Variants in ARHGAP22 observed in about 807,000 individuals in gnomAD.
The protein encoded by ARHGAP22 is rho GTPase-activating protein 22.
ARHGAP22 carries 48 observed loss-of-function variants against 59.1 expected under a neutral mutation model. The observed-to-expected ratio is 0.81, with a 90% confidence interval of 0.64 to 1.03. The LOEUF (loss-of-function observed/expected upper bound fraction) is 1.03, where lower values mean the gene tolerates loss of function less well. Among genes scored for constraint, ARHGAP22 ranks in the 50% least tolerant of loss-of-function variants. ARHGAP22 has a pLI of 0.00. For synonymous variants in ARHGAP22, 445 were observed against 416.4 expected, an observed-to-expected ratio of 1.07 and a Z score of -0.84; for missense variants, 1,015 against 958.7, an observed-to-expected ratio of 1.06 and a Z score of -0.78.
At chr10:48,478,381 TG>T (rs1249619290) in intron 4 of ARHGAP22, among the ~76,000 whole-genome samples, 12 of 152,320 alleles carry the variant, frequency 7.9e-5, no homozygotes, top group African/African-American at 2.9e-4. Flanking sequence ...TATCATTCAA[TG>T]AAAGGTGGTC....
intron 2 of ARHGAP22, among the ~76,000 whole-genome samples, chr10:48,571,768 T>C (rs1172820230): frequency 1.3e-5 from 2 of 152,214 alleles, no homozygotes; most frequent in Non-Finnish European, 2.9e-5. Flanking sequence ...ACAGTTGCAT[T>C]TGGCAGCTGA....
At chr10:48,515,197 A>T (rs1182174086) in intron 3 of ARHGAP22, among the ~76,000 whole-genome samples, 1 of 152,204 alleles carries the variant, frequency 6.6e-6, no homozygotes, top group African/African-American at 2.4e-5. Context: ...TGAGAGACAC[A>T]TTACATTAAA....
the ARHGAP22 span, among the ~76,000 whole-genome samples, chr10:48,432,121 A>G: frequency 3.3e-5 from 5 of 152,198 alleles, no homozygotes; most frequent in African/African-American, 1.2e-4. Context: ...AGGTTAGGAC[A>G]GTTGTATGAA....
rs571010835 is a variant in ARHGAP22 at position 48,577,235 on chromosome 10, T to G, written c.234+5718A>C. 7.2e-5 allele frequency among the ~76,000 whole-genome samples: 11 copies of G among 152,320 alleles called. No individual in the cohort carries two copies. In the South Asian group the frequency reaches 2.1e-3, roughly 29 times the overall value. On this transcript the variant is annotated intron_variant, in intron 2 of 9. Transcript: ENST00000249601. ...CCTCTGACTCTTCCGTATTTAGAGA[T>G]TCTCTCTGAGGATATTACAGTAGTT...
intron 3 of ARHGAP22, among the ~76,000 whole-genome samples, chr10:48,525,737 C>T (rs1200301338): frequency 6.6e-6 from 1 of 152,174 alleles, no homozygotes; most frequent in Non-Finnish European, 1.5e-5. Context: ...ATAGTGTTCA[C>T]TCTGTACCAT....
chr10:48,643,424 T>TA (rs1253705564), intron 1 of ARHGAP22, among the ~76,000 whole-genome samples: 1 of 152,030 alleles, frequency 6.6e-6, no homozygotes, highest in East Asian at 1.9e-4. Context: ...TATGCAGCCA[T>TA]AAAAAAGGAT....
At chr10:48,477,206 T>G (rs1187701694) in intron 4 of ARHGAP22, among the ~76,000 whole-genome samples, 2 of 152,246 alleles carry the variant, frequency 1.3e-5, no homozygotes, top group East Asian at 1.9e-4. Flanking sequence ...TTCTGTTGCC[T>G]ATCTATCTAT....
upstream of ARHGAP22, chr10:48,605,267 C>T: frequency 1.5e-6 from 1 of 647,264 alleles, no homozygotes; most frequent in South Asian, 6.8e-5. Context: ...TCAGCCGCCG[C>T]CTGGGAGCCG....
chr10:48,451,197 C>T, intron 8 of ARHGAP22, 57 bp from the exon 9 acceptor site: 1 of 1,548,494 alleles, frequency 6.5e-7, no homozygotes, highest in Non-Finnish European at 8.7e-7. Context: ...CCCAGGCTCG[C>T]TCTGCCAGTC....
intron 4 of ARHGAP22, among the ~76,000 whole-genome samples, chr10:48,473,014 A>C (rs2133983126): frequency 6.6e-6 from 1 of 152,320 alleles, no homozygotes; most frequent in East Asian, 1.9e-4. Flanking sequence ...AAATAATTGA[A>C]ATCAGGGACT....
At chr10:48,444,454 T>C (rs1360081540), downstream of ARHGAP22, 1 of 152,236 alleles carries the variant, frequency 6.6e-6, no homozygotes, top group Non-Finnish European at 1.5e-5. Context: ...CCAATTCATT[T>C]TGAGATAAGA....
At chr10:48,465,796 A>C (rs939290537) in intron 4 of ARHGAP22, among the ~76,000 whole-genome samples, 4 of 152,156 alleles carry the variant, frequency 2.6e-5, no homozygotes, top group African/African-American at 9.7e-5. Context: ...ACTTTGGGTA[A>C]TTGGGTAATT....
chr10:48,511,177 T>G (rs570052223), intron 3 of ARHGAP22, among the ~76,000 whole-genome samples: 11 of 152,308 alleles, frequency 7.2e-5, no homozygotes, highest in African/African-American at 2.6e-4. Context: ...TTGGTTGCCC[T>G]GGCCCTCATC....
intron 3 of ARHGAP22, among the ~76,000 whole-genome samples, chr10:48,538,939 A>T (rs1042347629): frequency 9.2e-5 from 14 of 152,356 alleles, no homozygotes; most frequent in African/African-American, 3.4e-4. Flanking sequence ...AAAAAAATGT[A>T]GTTCCTGCCA....
intron 3 of ARHGAP22, among the ~76,000 whole-genome samples, chr10:48,482,875 T>C (rs1409721126): frequency 6.6e-6 from 1 of 152,100 alleles, no homozygotes; most frequent in Non-Finnish European, 1.5e-5. Context: ...TATGGAACAT[T>C]AGAATTTATT....
chr10:48,433,350 T>A, the ARHGAP22 span, among the ~76,000 whole-genome samples: 1 of 152,208 alleles, frequency 6.6e-6, no homozygotes, highest in Non-Finnish European at 1.5e-5. Flanking sequence ...CCTTTTATGG[T>A]TTGAATGTTT....
intron 1 of ARHGAP22, among the ~76,000 whole-genome samples, chr10:48,600,900 A>G (rs1235593718): frequency 1.3e-5 from 2 of 152,230 alleles, no homozygotes; most frequent in Non-Finnish European, 2.9e-5. Context: ...CTCCTTCTCC[A>G]GAGCAGGCTC....
intron 4 of ARHGAP22, 23 bp from the exon 5 acceptor site, chr10:48,459,914 C>T (rs1365484683): frequency 6.2e-7 from 1 of 1,604,264 alleles, no homozygotes; most frequent in Admixed American, 1.7e-5. Context: ...AGGAGCTAGT[C>T]ACACCCTCCA....
intron 2 of ARHGAP22, among the ~76,000 whole-genome samples, chr10:48,558,493 G>A (rs890236852): frequency 6.6e-6 from 1 of 151,938 alleles, no homozygotes; most frequent in Non-Finnish European, 1.5e-5. Context: ...CTCTATTTGG[G>A]ACCATAGGTG....
Sources: gnomAD v4.1 joint callset for allele counts (sites outside exome capture counted in the v4.1 genomes callset) on GRCh38, gnomAD v4.1.1 for gene constraint, MANE v1.5 for transcripts, NCBI Gene and HGNC (gene_info 2026-07-23, HGNC 2026-07-21) for gene names.